NOL4L: variants seen among roughly 807,000 people sequenced by gnomAD.
NOL4L encodes the protein nucleolar protein 4 like.
A neutral mutation model predicts 64.5 loss-of-function variants in NOL4L; 7 were observed. The ratio of observed to expected loss-of-function variants is 0.11; its 90% CI spans 0.06 to 0.20. The LOEUF (loss-of-function observed/expected upper bound fraction) is 0.20, where lower values mean the gene tolerates loss of function less well. Ranked by LOEUF, NOL4L falls within the 10% of genes least tolerant of loss-of-function variation. The probability of loss-of-function intolerance (pLI) is 1.00; values close to 1 mark genes in which losing one functional copy is unlikely to be tolerated. For missense variants in NOL4L, 680 were observed against 967.1 expected (o/e 0.70, Z 3.94); for synonymous variants, 413 against 401.0 (o/e 1.03, Z -0.36).
At chr20:32,525,231 C>T (rs1001234953) in intron 2 of NOL4L, among the ~76,000 whole-genome samples, 4 of 152,238 alleles carry the variant, frequency 2.6e-5, no homozygotes, top group South Asian at 2.1e-4. Context: ...CTTCCTAAAC[C>T]GCCCAAAGAG....
At chr20:32,456,573 GT>G (rs2013553775) in intron 5 of NOL4L, among the ~76,000 whole-genome samples, 178 bp from the exon 6 acceptor site, 1 of 152,162 alleles carries the variant, frequency 6.6e-6, no homozygotes, top group South Asian at 2.1e-4. Context: ...CAGCCACAGG[GT>G]CCCCTCTGCC....
chr20:32,520,609 T>C (rs2017893720), intron 3 of NOL4L, among the ~76,000 whole-genome samples: 1 of 152,186 alleles, frequency 6.6e-6, no homozygotes, highest in South Asian at 2.1e-4. Flanking sequence ...TGGTTGGTTT[T>C]TAAGTGAAAT....
chr20:32,563,078 G>A (rs1372578948), intron 1 of NOL4L, among the ~76,000 whole-genome samples: 1 of 36,376 alleles, frequency 2.7e-5, no homozygotes, highest in African/African-American at 1.3e-4. Context: ...GAAGGAGGGT[G>A]AAGGGGAAGG....
At chr20:32,491,674 C>T (rs1034036467) in intron 4 of NOL4L, among the ~76,000 whole-genome samples, 4 of 152,214 alleles carry the variant, frequency 2.6e-5, no homozygotes, top group Non-Finnish European at 5.9e-5. Context: ...CACTTTGTAA[C>T]TCCCATGGGG....
At chr20:32,571,683 ACT>A (rs1979754369) in intron 1 of NOL4L, among the ~76,000 whole-genome samples, 1 of 151,758 alleles carries the variant, frequency 6.6e-6, no homozygotes, top group South Asian at 2.1e-4. Flanking sequence ...CCACCAAGGC[ACT>A]CTCTCCCTGT....
Position 32,447,248 on chromosome 20 carries a change from A to G in NOL4L, c.*348T>C, listed in dbSNP as rs1471803330. 2 of 517,144 alleles carry G rather than the reference A, an allele frequency of 3.9e-6. No homozygotes were observed. Among genetic ancestry groups the G allele is most frequent in the Non-Finnish European group, 3.7e-6 (1 of 267,716 alleles). The allele number at this position is 517,144 out of a possible 1,614,324, so 32.0% of individuals were successfully genotyped here. A position where few individuals can be genotyped will look rare whatever the true frequency, so the allele number is the denominator to read the frequency against. On this transcript the variant is annotated 3_prime_UTR_variant, in exon 11 of 11. Coordinates refer to ENST00000621426, the MANE Select transcript of NOL4L (RefSeq NM_001256798.2). ...TCTGCTCACCTAAGACTTGAAAGGT[A>G]ATTATCTGGGGGTGGGATTCTAACA... is the stretch of plus-strand genomic sequence containing the variant.
At chr20:32,480,321 G>A (rs1445394615) in intron 4 of NOL4L, among the ~76,000 whole-genome samples, 5 of 152,214 alleles carry the variant, frequency 3.3e-5, no homozygotes, top group Non-Finnish European at 7.3e-5. Flanking sequence ...CATAAGCCCT[G>A]ACCAGGAGCC....
chr20:32,545,189 C>T (rs370644561), intron 1 of NOL4L, among the ~76,000 whole-genome samples: 1 of 152,182 alleles, frequency 6.6e-6, no homozygotes, highest in Non-Finnish European at 1.5e-5. Context: ...AGGAGGATTG[C>T]TTGAGCCCAG....
intron 10 of NOL4L, among the ~76,000 whole-genome samples, chr20:32,448,561 A>G (rs1263444801): frequency 1.3e-5 from 2 of 152,134 alleles, no homozygotes; most frequent in Non-Finnish European, 2.9e-5. Context: ...AGCCTCAAGC[A>G]CCTCGAATCC....
intron 4 of NOL4L, among the ~76,000 whole-genome samples, chr20:32,488,817 CTTTCTTTCTTTTTCTTTCTT>C (rs746944112): frequency 1.3e-4 from 3 of 23,928 alleles, no homozygotes; most frequent in Non-Finnish European, 2.1e-4. Context: ...TTCTTTCTTT[CTTTCTTTCTTTTTCTTTCTT>C]TCTTTCTTTC....
chr20:32,533,848 G>A (rs1412561321), intron 1 of NOL4L, among the ~76,000 whole-genome samples: 1 of 152,284 alleles, frequency 6.6e-6, no homozygotes, highest in Middle Eastern at 3.4e-3. Flanking sequence ...GAGGGGGATC[G>A]GCATGTCTTA....
chr20:32,528,789 C>T (rs2018238910), intron 1 of NOL4L, among the ~76,000 whole-genome samples: 2 of 152,238 alleles, frequency 1.3e-5, no homozygotes, highest in South Asian at 4.1e-4. Context: ...GGGAGATACA[C>T]AGACCCAGAG....
intron 4 of NOL4L, among the ~76,000 whole-genome samples, chr20:32,485,299 T>A (rs1201431523): frequency 6.6e-6 from 1 of 152,188 alleles, no homozygotes; most frequent in Non-Finnish European, 1.5e-5. Flanking sequence ...AAAGCCTTTT[T>A]TCTTTCTTCC....
chr20:32,560,323 G>T (rs1978930500), intron 1 of NOL4L, among the ~76,000 whole-genome samples: 1 of 152,204 alleles, frequency 6.6e-6, no homozygotes, highest in Non-Finnish European at 1.5e-5. Context: ...CTGAGGAGGG[G>T]AGCGTGTCAA....
At chr20:32,522,110 G>C (rs916132842) in intron 2 of NOL4L, among the ~76,000 whole-genome samples, 5 of 152,216 alleles carry the variant, frequency 3.3e-5, no homozygotes, top group Admixed American at 3.3e-4. Context: ...GTGGAGTTGT[G>C]GGGGGATGCA....
intron 1 of NOL4L, among the ~76,000 whole-genome samples, chr20:32,567,838 T>A (rs567842734): frequency 1.3e-5 from 2 of 151,952 alleles, no homozygotes; most frequent in East Asian, 3.9e-4. Context: ...GTGTGTGCCA[T>A]CACACACACC....
chr20:32,497,282 G>C (rs543722151), intron 4 of NOL4L, among the ~76,000 whole-genome samples: 1 of 119,396 alleles, frequency 8.4e-6, no homozygotes, highest in Admixed American at 1.3e-4. Flanking sequence ...GCTGCTCTTT[G>C]CTGGGGGTGA....
intron 1 of NOL4L, among the ~76,000 whole-genome samples, chr20:32,563,427 G>C (rs1003894095): frequency 2.6e-5 from 4 of 151,900 alleles, no homozygotes; most frequent in African/African-American, 9.7e-5. Context: ...ATTTCATAGA[G>C]GACCGAAAGG....
intron 1 of NOL4L, among the ~76,000 whole-genome samples, chr20:32,572,952 G>C (rs1321567591): frequency 3.3e-5 from 5 of 152,062 alleles, no homozygotes; most frequent in Admixed American, 6.5e-5. Context: ...AGCAGTTCTT[G>C]TTTCCGATGC....
Sources: allele counts gnomAD v4.1 joint callset (sites outside exome capture counted in the v4.1 genomes callset), GRCh38; gene constraint gnomAD v4.1.1; transcripts MANE v1.5; gene names NCBI Gene and HGNC (gene_info 2026-07-23, HGNC 2026-07-21).